NLGN1: variants seen among roughly 807,000 people sequenced by gnomAD.
NLGN1 encodes the protein neuroligin 1, also known as neuroligin-1.
NLGN1 carries 12 observed loss-of-function variants against 65.5 expected under a neutral mutation model. The observed-to-expected ratio is 0.18, with a 90% CI of 0.12 to 0.30. NLGN1 has a LOEUF of 0.30. Among genes scored for constraint, NLGN1 ranks in the 10% least tolerant of loss-of-function variants. The probability of loss-of-function intolerance (pLI) is 1.00; values close to 1 mark genes in which losing one functional copy is unlikely to be tolerated. For missense variants in NLGN1, 750 were observed against 1,007.1 expected (o/e 0.74, Z 3.46); for synonymous variants, 350 against 359.5 (o/e 0.97, Z 0.30).
intron 4 of NLGN1, among the ~76,000 whole-genome samples, chr3:174,062,792 T>A (rs1737698518): frequency 6.6e-6 from 1 of 152,060 alleles, no homozygotes; most frequent in African/African-American, 2.4e-5. Context: ...TAGAAACTAT[T>A]TTTTCTATTA....
chr3:173,677,176 T>C (rs1459226875), intron 3 of NLGN1, among the ~76,000 whole-genome samples: 2 of 152,038 alleles, frequency 1.3e-5, no homozygotes, highest in Admixed American at 1.3e-4. Context: ...AGAGTGAAGG[T>C]TGGCTATTAT....
At chr3:174,059,807 T>C (rs1371399896) in intron 4 of NLGN1, among the ~76,000 whole-genome samples, 1 of 152,164 alleles carries the variant, frequency 6.6e-6, no homozygotes, top group Non-Finnish European at 1.5e-5. Flanking sequence ...AGTTAAGTAA[T>C]GCTGAATTTA....
intron 4 of NLGN1, among the ~76,000 whole-genome samples, chr3:174,134,303 G>A (rs1720795530): frequency 6.6e-6 from 1 of 152,132 alleles, no homozygotes; most frequent in South Asian, 2.1e-4. Flanking sequence ...CAGCGCTTTT[G>A]TGAGATCTTA....
intron 2 of NLGN1, among the ~76,000 whole-genome samples, chr3:173,577,176 A>G (rs535780953): frequency 1.2e-4 from 18 of 152,366 alleles, no homozygotes; most frequent in African/African-American, 2.6e-4. Context: ...AATTTCAGCT[A>G]TAAGATATAT....
At chr3:173,724,226 T>C (rs1771373352) in intron 3 of NLGN1, among the ~76,000 whole-genome samples, 1 of 152,226 alleles carries the variant, frequency 6.6e-6, no homozygotes, top group Non-Finnish European at 1.5e-5. Flanking sequence ...CTGTTTAATA[T>C]TATGAAACAG....
chr3:173,739,586 C>T lies in NLGN1; in HGVS notation c.494-68094C>T, dbSNP rs1356686305. Among the ~76,000 whole-genome samples, 3 of 152,034 alleles carry T rather than the reference C, an allele frequency of 2.0e-5. No individual in the cohort carries two copies. The East Asian group carries it at 5.8e-4, about 29-fold the overall frequency. On this transcript the variant is annotated intron_variant, in intron 3 of 6. Coordinates refer to ENST00000457714, the Ensembl canonical transcript of NLGN1. ...CACTAGAGTCCTCCTGGAAAAGGTA[C>T]TTCTGATGTAAAAGACCTCAGGGAA...
At chr3:173,964,420 G>C (rs185252990) in intron 4 of NLGN1, among the ~76,000 whole-genome samples, 43 of 152,234 alleles carry the variant, frequency 2.8e-4, no homozygotes, top group African/African-American at 1.0e-3. Context: ...ACTTGCCTAG[G>C]GTCAGATAAT....
chr3:173,943,352 G>A (rs527917829), intron 4 of NLGN1, among the ~76,000 whole-genome samples: 1 of 152,042 alleles, frequency 6.6e-6, no homozygotes, highest in Non-Finnish European at 1.5e-5. Flanking sequence ...TTGTCCTTGT[G>A]GGGGCAAGTA....
At chr3:173,942,211 A>G (rs897471153) in intron 4 of NLGN1, among the ~76,000 whole-genome samples, 2 of 151,950 alleles carry the variant, frequency 1.3e-5, no homozygotes, top group Non-Finnish European at 2.9e-5. Context: ...ATATACATAC[A>G]TAGTGAAGCA....
At chr3:174,094,769 A>G (rs55661721) in intron 4 of NLGN1, among the ~76,000 whole-genome samples, 2,000 of 146,062 alleles carry the variant, frequency 0.014, 56 homozygotes, top group African/African-American at 0.048. Context: ...AAAAAAAAAA[A>G]GTCAAGCATA....
chr3:173,466,855 G>T (rs1724447391), intron 2 of NLGN1, among the ~76,000 whole-genome samples: 1 of 152,268 alleles, frequency 6.6e-6, no homozygotes, highest in South Asian at 2.1e-4. Flanking sequence ...TTTCATTTAA[G>T]TGAATTTTCC....
chr3:174,089,340 C>T (rs946283050), intron 4 of NLGN1, among the ~76,000 whole-genome samples: 12 of 152,062 alleles, frequency 7.9e-5, no homozygotes, highest in South Asian at 6.2e-4. Flanking sequence ...GTGGTTCTTC[C>T]GCTAGCCTGT....
intron 2 of NLGN1, among the ~76,000 whole-genome samples, chr3:173,453,289 G>T (rs1242802869): frequency 6.6e-6 from 1 of 151,728 alleles, no homozygotes; most frequent in Non-Finnish European, 1.5e-5. Context: ...TGTAGAGATG[G>T]GATCTTGCCA....
chr3:173,687,899 C>G (rs952098476), intron 3 of NLGN1, among the ~76,000 whole-genome samples: 3 of 152,182 alleles, frequency 2.0e-5, no homozygotes, highest in Non-Finnish European at 4.4e-5. Flanking sequence ...AACTGTTGCT[C>G]TGTACTAGAA....
At chr3:173,966,028 A>G (rs184834023) in intron 4 of NLGN1, among the ~76,000 whole-genome samples, 19 of 152,278 alleles carry the variant, frequency 1.2e-4, no homozygotes, top group Admixed American at 9.1e-4. Flanking sequence ...TAAATTTTGT[A>G]TAGCTCATTG....
chr3:173,710,812 C>T (rs776000183), intron 3 of NLGN1, among the ~76,000 whole-genome samples: 8 of 152,126 alleles, frequency 5.3e-5, no homozygotes, highest in Non-Finnish European at 1.2e-4. Flanking sequence ...AAGACCCAGT[C>T]AAGTACCATG....
intron 3 of NLGN1, among the ~76,000 whole-genome samples, chr3:173,702,048 G>C (rs1281909482): frequency 6.6e-6 from 1 of 151,926 alleles, no homozygotes; most frequent in Non-Finnish European, 1.5e-5. Context: ...GACCATCCCG[G>C]CTAAAACGGT....
At chr3:173,419,230 C>T (rs1714510969) in intron 1 of NLGN1, among the ~76,000 whole-genome samples, 1 of 150,328 alleles carries the variant, frequency 6.7e-6, no homozygotes, top group South Asian at 2.1e-4. Flanking sequence ...CATGAGTATA[C>T]ATTGGTTTTA....
intron 3 of NLGN1, among the ~76,000 whole-genome samples, chr3:173,789,465 C>A (rs1467711862): frequency 6.6e-6 from 1 of 152,168 alleles, no homozygotes; most frequent in Admixed American, 6.5e-5. Flanking sequence ...CATATTTGAT[C>A]CTACCACAAT....
Sources: gnomAD v4.1 joint callset for allele counts (sites outside exome capture counted in the v4.1 genomes callset) on GRCh38, gnomAD v4.1.1 for gene constraint, MANE v1.5 for transcripts, NCBI Gene and HGNC (gene_info 2026-07-23, HGNC 2026-07-21) for gene names.